NDUFS4: variants seen among roughly 807,000 people sequenced by gnomAD.
NDUFS4 encodes the protein NADH dehydrogenase [ubiquinone] iron-sulfur protein 4, mitochondrial.
NDUFS4 carries 28 observed loss-of-function variants against 24.3 expected under a neutral mutation model. That is an observed-to-expected ratio of 1.15 (90% CI 0.85 to 1.58). NDUFS4 has a LOEUF of 1.58. Among genes scored for constraint, NDUFS4 ranks in the 40% most tolerant of loss-of-function variants. The pLI is 0.00. For missense variants in NDUFS4, 223 were observed against 207.9 expected, an observed-to-expected ratio of 1.07 and a Z score of -0.45; for synonymous variants, 93 against 69.7, an observed-to-expected ratio of 1.34 and a Z score of -1.67.
intron 4 of NDUFS4, among the ~76,000 whole-genome samples, chr5:53,661,061 A>G (rs1422344394): frequency 1.3e-5 from 2 of 152,224 alleles, no homozygotes; most frequent in Admixed American, 6.5e-5. Flanking sequence ...TGTTTTAGAC[A>G]TGAAGTCCTT....
chr5:53,654,945 A>G (rs1253011288), intron 3 of NDUFS4, among the ~76,000 whole-genome samples: 2 of 152,180 alleles, frequency 1.3e-5, no homozygotes, highest in Non-Finnish European at 2.9e-5. Context: ...AGTCTGTTTT[A>G]TGGTGTAGAA....
At chr5:53,578,363 C>A (rs903699006) in intron 1 of NDUFS4, among the ~76,000 whole-genome samples, 20 of 152,152 alleles carry the variant, frequency 1.3e-4, no homozygotes, top group African/African-American at 4.3e-4. Flanking sequence ...TAGACTCTTA[C>A]CAGTGTCCTT....
intron 2 of NDUFS4, among the ~76,000 whole-genome samples, chr5:53,620,751 C>T (rs1579883128): frequency 6.6e-6 from 1 of 152,266 alleles, no homozygotes; most frequent in South Asian, 2.1e-4. Context: ...AGTACTTCAT[C>T]ATTTATTTGG....
intron 3 of NDUFS4, among the ~76,000 whole-genome samples, chr5:53,657,509 T>C (rs918730591): frequency 2.0e-5 from 3 of 152,220 alleles, no homozygotes; most frequent in Non-Finnish European, 4.4e-5. Flanking sequence ...AATTACCTTT[T>C]GAATCCTCCT....
At chr5:53,591,767 T>G in intron 1 of NDUFS4, among the ~76,000 whole-genome samples, 1 of 152,230 alleles carries the variant, frequency 6.6e-6, no homozygotes, top group Non-Finnish European at 1.5e-5. Flanking sequence ...TTAGCCATTC[T>G]AATAGGTGTG....
intron 2 of NDUFS4, among the ~76,000 whole-genome samples, chr5:53,613,059 A>G (rs1174326531): frequency 6.6e-6 from 1 of 152,096 alleles, no homozygotes; most frequent in Non-Finnish European, 1.5e-5. Flanking sequence ...AGATAACCTT[A>G]AGTTAAAGGC....
chr5:53,565,765 A>C (rs183894983), intron 1 of NDUFS4, among the ~76,000 whole-genome samples: 3 of 152,252 alleles, frequency 2.0e-5, no homozygotes, highest in African/African-American at 7.2e-5. Context: ...AAGTGTTCAG[A>C]CACTTCTTTT....
intron 1 of NDUFS4, among the ~76,000 whole-genome samples, chr5:53,572,970 GTTT>G (rs34978747): frequency 6.3e-5 from 7 of 111,210 alleles, no homozygotes; most frequent in Admixed American, 2.8e-4. Context: ...TTTTTTTTTT[GTTT>G]TTTTTTTTTT....
rs145347909 is a variant in NDUFS4 at position 53,560,742 on chromosome 5, T to A, written c.80T>A (p.Val27Asp). 1.1e-4 allele frequency: 184 copies of A among 1,614,220 alleles called. No homozygotes were observed. In the African/African-American group the frequency reaches 2.1e-3, roughly 18 times the overall value. The change falls in exon 1 of 5, where the codon GTT becomes GAT. Residue 27 changes from valine to aspartate, a missense_variant. Val to Asp is a radical substitution (Grantham distance 152). Coordinates refer to ENST00000296684, the MANE Select transcript of NDUFS4 (RefSeq NM_002495.4). ...RRAVAVAALS[V>D]SRVPTRSLRT... Reference sequence around the variant, plus strand: ...GCAGTGGCTGTAGCTGCCCTTTCCGTTTCCAGGGTTCCGACCAGGTAATAG... The same window carrying A: ...GCAGTGGCTGTAGCTGCCCTTTCCGATTCCAGGGTTCCGACCAGGTAATAG...
At chr5:53,606,477 A>G (rs427527) in intron 2 of NDUFS4, among the ~76,000 whole-genome samples, 69,889 of 151,716 alleles carry the variant, frequency 0.46, 16,729 homozygotes, top group East Asian at 0.6. Flanking sequence ...AGTGATTCTT[A>G]TGCCTCAGCC....
intron 2 of NDUFS4, among the ~76,000 whole-genome samples, chr5:53,628,481 G>A (rs1751297528): frequency 1.3e-5 from 2 of 152,150 alleles, no homozygotes; most frequent in Non-Finnish European, 2.9e-5. Context: ...TGTACCTCTG[G>A]TAGAATTCGG....
intron 4 of NDUFS4, among the ~76,000 whole-genome samples, chr5:53,659,721 TTAC>T (rs1175016007): frequency 6.6e-6 from 1 of 152,160 alleles, no homozygotes; most frequent in African/African-American, 2.4e-5. Context: ...TTCTCTAACA[TTAC>T]CTGAAATACA....
At chr5:53,636,755 G>A (rs1751566075) in intron 2 of NDUFS4, among the ~76,000 whole-genome samples, 1 of 152,100 alleles carries the variant, frequency 6.6e-6, no homozygotes, top group African/African-American at 2.4e-5. Flanking sequence ...GAATAGGTTA[G>A]CACCATCCTG....
chr5:53,603,917 C>A (rs1750413489), intron 2 of NDUFS4, among the ~76,000 whole-genome samples: 1 of 152,004 alleles, frequency 6.6e-6, no homozygotes, highest in Admixed American at 6.6e-5. Flanking sequence ...TGGAAGCATG[C>A]AACATTTATT....
intron 3 of NDUFS4, among the ~76,000 whole-genome samples, chr5:53,657,758 C>G (rs1752205903): frequency 6.6e-6 from 1 of 151,944 alleles, no homozygotes; most frequent in Non-Finnish European, 1.5e-5. Flanking sequence ...AACCCCATCT[C>G]TACTAAAAAT....
chr5:53,662,326 G>T (rs1435721503), intron 4 of NDUFS4, among the ~76,000 whole-genome samples: 2 of 152,176 alleles, frequency 1.3e-5, no homozygotes, highest in Admixed American at 6.5e-5. Flanking sequence ...AACCAGCCTT[G>T]CATCCCAGGG....
chr5:53,681,261 C>T (rs1457880697), intron 4 of NDUFS4, among the ~76,000 whole-genome samples: 2 of 152,068 alleles, frequency 1.3e-5, no homozygotes, highest in East Asian at 1.9e-4. Flanking sequence ...GCTGAGTGAC[C>T]TTATGCTAGT....
rs562381269 is a variant in NDUFS4, at chr5:53,661,194, G to T, written c.424+2570G>T. On this transcript the variant is annotated intron_variant, in intron 4 of 4. Coordinates refer to ENST00000296684, the MANE Select transcript of NDUFS4 (RefSeq NM_002495.4). ...ATTTTTGTATAAGGTGTAAGGAAGGGATCCAGTTTCAGCTTTCTACATATG... is the reference window on the plus strand; with the variant it reads ...ATTTTTGTATAAGGTGTAAGGAAGGTATCCAGTTTCAGCTTTCTACATATG... Among the ~76,000 whole-genome samples, 6 of 152,264 alleles carry T rather than the reference G, an allele frequency of 3.9e-5. No individual in the cohort carries two copies. The South Asian group carries it at 1.0e-3, about 26-fold the overall frequency.
chr5:53,577,658 A>G (rs1749428831), intron 1 of NDUFS4, among the ~76,000 whole-genome samples: 1 of 152,110 alleles, frequency 6.6e-6, no homozygotes, highest in South Asian at 2.1e-4. Flanking sequence ...TTGTAAAAGA[A>G]TTCACCCGTA....
Sources: gnomAD v4.1 joint callset for allele counts (sites outside exome capture counted in the v4.1 genomes callset) on GRCh38, gnomAD v4.1.1 for gene constraint, MANE v1.5 for transcripts, NCBI Gene and HGNC (gene_info 2026-07-23, HGNC 2026-07-21) for gene names.